The following LETM2 variants were observed in gnomAD, a reference collection of about 807,000 sequenced individuals.
LETM2 encodes the protein leucine zipper and EF-hand containing transmembrane protein 2, also known as LETM1 domain-containing protein LETM2, mitochondrial.
LETM2 carries 58 observed loss-of-function variants against 59.6 expected under a neutral mutation model. The ratio of observed to expected loss-of-function variants is 0.97; its 90% CI spans 0.79 to 1.21. The LOEUF (loss-of-function observed/expected upper bound fraction) is 1.21, where lower values mean the gene tolerates loss of function less well. Among genes scored for constraint, LETM2 ranks in the 50% most tolerant of loss-of-function variants. The probability of loss-of-function intolerance (pLI) is 0.00; values close to 1 mark genes in which losing one functional copy is unlikely to be tolerated. For synonymous variants in LETM2, 199 were observed against 214.1 expected (o/e 0.93, Z 0.62); for missense variants, 572 against 575.7 (o/e 0.99, Z 0.07).
intron 7 of LETM2, among the ~76,000 whole-genome samples, chr8:38,403,862 A>G (rs1441553807): frequency 6.6e-6 from 1 of 152,114 alleles, no homozygotes; most frequent in Non-Finnish European, 1.5e-5. Context: ...TTGTGCATAT[A>G]TTACTGATCT....
At chr8:38,392,396 GC>G (rs1812362143) in intron 2 of LETM2, 145 bp from the exon 3 acceptor site, 1 of 613,258 alleles carries the variant, frequency 1.6e-6, no homozygotes, top group African/African-American at 1.9e-5. Flanking sequence ...CTGCACTCCA[GC>G]CTGGGCAATG....
At chr8:38,398,792 G>A (rs1394715395) in intron 4 of LETM2, among the ~76,000 whole-genome samples, 1 of 144,764 alleles carries the variant, frequency 6.9e-6, no homozygotes, top group African/African-American at 2.6e-5. Context: ...GCGTTATCTC[G>A]GCTAACTGCA....
chr8:38,388,051 C>G (rs1811911631), intron 2 of LETM2, 21 bp downstream of exon 2: 3 of 1,469,648 alleles, frequency 2.0e-6, no homozygotes, highest in Middle Eastern at 1.7e-4. Context: ...GAGTTACCCC[C>G]CAATATGAAC....
intron 4 of LETM2, among the ~76,000 whole-genome samples, chr8:38,396,381 C>G (rs1429075760): frequency 1.3e-5 from 2 of 152,084 alleles, no homozygotes; most frequent in Non-Finnish European, 2.9e-5. Context: ...CCAGGCTGGT[C>G]TCGAACTCCT....
upstream of LETM2, among the ~76,000 whole-genome samples, chr8:38,383,803 G>T (rs555763390): frequency 6.6e-6 from 1 of 151,736 alleles, no homozygotes; most frequent in African/African-American, 2.4e-5. Flanking sequence ...GGTGGGGGGC[G>T]CCTGTAGTCC....
Position 38,408,563 on chromosome 8 carries a change from A to T in LETM2, c.*289A>T. 1 of 292,842 alleles carries T rather than the reference A, an allele frequency of 3.4e-6. No homozygotes were observed. Among genetic ancestry groups the T allele is most frequent in the South Asian group, 5.1e-5 (1 of 19,500 alleles). 18.1% of individuals were successfully genotyped at this position (292,842 alleles called of 1,614,324 possible). A position where few individuals can be genotyped will look rare whatever the true frequency, so the allele number is the denominator to read the frequency against. ...CCCATCATGTTGTTTTTTTAGTTTC[A>T]TGTGTACGTCCCTTCAGAGAGGAAA... On this transcript the variant is annotated 3_prime_UTR_variant, in exon 11 of 11. Transcript: ENST00000379957.
chr8:38,393,459 G>T (rs1812457351), intron 3 of LETM2: 2 of 157,104 alleles, frequency 1.3e-5, no homozygotes, highest in African/African-American at 4.8e-5. Context: ...AGACTGGCCA[G>T]CACGATGAAA....
intron 2 of LETM2, among the ~76,000 whole-genome samples, chr8:38,389,196 G>C (rs1812015142): frequency 6.6e-6 from 1 of 150,826 alleles, no homozygotes; most frequent in South Asian, 2.1e-4. Flanking sequence ...ATTAGGGTCT[G>C]TTACCATTAT....
In LETM2 at chr8:38,394,130, G is replaced by C. The variant is rs1216870414; in HGVS notation, c.534G>C (p.Leu178=). ...LLRTCVDFFR[L]VPFMVFLIVP... ...GAACTTGTGTTGATTTCTTCCGCCT[G>C]GTTCCATTTATGGTGTTCTTAATTG... The change falls in exon 4 of 11, where the codon CTG becomes CTC. Residue 178 remains leucine, a synonymous_variant. Coordinates refer to ENST00000379957, the MANE Select transcript of LETM2 (RefSeq NM_001286819.2). 3 of 1,489,358 alleles carry C rather than the reference G, an allele frequency of 2.0e-6. No homozygotes were observed. The highest frequency in any genetic ancestry group is 2.7e-6 in the Non-Finnish European group (3 of 1,126,912). 92.3% of individuals were successfully genotyped at this position (1,489,358 alleles called of 1,614,324 possible).
chr8:38,387,779 A>G (rs552436383), intron 1 of LETM2, among the ~76,000 whole-genome samples, 171 bp from the exon 2 acceptor site: 1 of 152,278 alleles, frequency 6.6e-6, no homozygotes, highest in African/African-American at 2.4e-5. Context: ...ACCATTCTCA[A>G]GTCCAGAGCT....
At chr8:38,404,796 A>G (rs1813582092) in intron 8 of LETM2, 1 of 301,128 alleles carries the variant, frequency 3.3e-6, no homozygotes, top group Non-Finnish European at 6.4e-6. Context: ...CCTGACCAAC[A>G]TGGTGAAATC....
chr8:38,395,833 A>G (rs1351202855), intron 4 of LETM2, among the ~76,000 whole-genome samples: 1 of 151,868 alleles, frequency 6.6e-6, no homozygotes, highest in Non-Finnish European at 1.5e-5. Context: ...TGACTTTTTA[A>G]TTGGGTTTTT....
chr8:38,386,744 T>G (rs1811802324), intron 1 of LETM2, 176 bp downstream of exon 1: 1 of 152,996 alleles, frequency 6.5e-6, no homozygotes, highest in Admixed American at 6.6e-5. Context: ...TCCCCGCCAG[T>G]TCCCCAGCAC....
At chr8:38,407,641 A>T (rs892701684) in intron 10 of LETM2, among the ~76,000 whole-genome samples, 178 bp downstream of exon 10, 1 of 145,286 alleles carries the variant, frequency 6.9e-6, no homozygotes, top group Non-Finnish European at 1.5e-5. Flanking sequence ...TTTTACTTCA[A>T]CTATCCAAAA....
intron 4 of LETM2, chr8:38,394,510 C>T (rs1812536056): frequency 7.0e-6 from 2 of 286,266 alleles, no homozygotes; most frequent in East Asian, 1.3e-4. Flanking sequence ...CATGTATCCA[C>T]CATCACAGTA....
Position 38,407,503 on chromosome 8 carries a change from T to C in LETM2, c.1413+40T>C, listed in dbSNP as rs773642160. 3.9e-5 allele frequency: 51 copies of C among 1,318,086 alleles called. No homozygotes were observed. In the Admixed American group the frequency reaches 8.6e-4, roughly 22 times the overall value. The allele number at this position is 1,318,086 out of a possible 1,614,324, so 81.6% of individuals were successfully genotyped here. On this transcript the variant is annotated intron_variant, in intron 10 of 10. Transcript: ENST00000379957. ...TAAATGAAAAAGAAAGAGAAGACCCTTTCCCTCTAGTTATCTTTAAGGGCA... is the reference window on the plus strand; with the variant it reads ...TAAATGAAAAAGAAAGAGAAGACCCCTTCCCTCTAGTTATCTTTAAGGGCA...
chr8:38,407,164 ATATT>A (rs1813791871), intron 9 of LETM2, 126 bp downstream of exon 9: 1 of 721,800 alleles, frequency 1.4e-6, no homozygotes, highest in Admixed American at 2.5e-5. Context: ...TTAATAAGGA[ATATT>A]TATTGTACTG....
chr8:38,383,049 GC>G (rs1202516725), upstream of LETM2: 3 of 152,206 alleles, frequency 2.0e-5, no homozygotes, highest in Non-Finnish European at 4.4e-5. Context: ...AGCGCCCGCC[GC>G]ATCCCCGGGT....
At chr8:38,393,053 A>T in intron 3 of LETM2, 58 bp downstream of exon 3, 7 of 1,380,362 alleles carry the variant, frequency 5.1e-6, no homozygotes, top group Non-Finnish European at 6.9e-6. Context: ...CTATTTGGGA[A>T]CTCAACTATT....
Sources: allele counts gnomAD v4.1 joint callset (sites outside exome capture counted in the v4.1 genomes callset), GRCh38; gene constraint gnomAD v4.1.1; transcripts MANE v1.5; gene names NCBI Gene and HGNC (gene_info 2026-07-23, HGNC 2026-07-21).